ITGA2: variants seen among roughly 807,000 people sequenced by gnomAD.
ITGA2 encodes integrin subunit alpha 2.
In ITGA2, 101 loss-of-function variants were observed where a neutral mutation model predicts 146.3. The observed-to-expected ratio is 0.69, with a 90% CI of 0.59 to 0.81. ITGA2 has a LOEUF of 0.81. Among genes scored for constraint, ITGA2 ranks in the 40% least tolerant of loss-of-function variants. ITGA2 has a pLI of 0.00. For missense variants in ITGA2, 1,281 were observed against 1,402.7 expected, an observed-to-expected ratio of 0.91 and a Z score of 1.39; for synonymous variants, 477 against 487.1, an observed-to-expected ratio of 0.98 and a Z score of 0.27.
chr5:53,071,996 C>G lies in ITGA2; in HGVS notation c.2294C>G (p.Pro765Arg). ...CGTGTGGACATCAGTCTGGAAAACCCTGGCACTAGCCCTGCCCTTGAAGCC... is the reference window on the plus strand; with the variant it reads ...CGTGTGGACATCAGTCTGGAAAACCGTGGCACTAGCCCTGCCCTTGAAGCC... ...DLRVDISLEN[P>R]GTSPALEAYS... The change falls in exon 18 of 30, where the codon CCT (proline) becomes CGT (arginine). Residue 765 changes from proline (P) to arginine (R), a missense_variant. Around this residue, in one of 3 missense-constraint regions of ITGA2, gnomAD observed 475 missense variants for 530.5 expected, o/e 0.90. Coordinates refer to ENST00000296585, the MANE Select transcript of ITGA2 (RefSeq NM_002203.4). The G allele has an allele frequency of 6.2e-7, 1 of 1,612,392 alleles. No individual in the cohort carries two copies. The highest frequency in any genetic ancestry group is 1.1e-5 in the South Asian group (1 of 91,058).
chr5:53,083,350 C>A lies in ITGA2; in HGVS notation c.3155C>A (p.Thr1052Asn). Residue 1052 changes from threonine (T) to asparagine (N), a missense_variant, in exon 27 of 30, where the codon ACT (threonine) becomes AAT (asparagine). By Grantham distance (65) the Thr-to-Asn change is moderately conservative (BLOSUM62 0). Transcript: ENST00000296585. Reference protein sequence around the residue: ...FRHTKELNCRTASCSNVTCWL... With the variant: ...FRHTKELNCRNASCSNVTCWL... Reference sequence around the variant, plus strand: ...ACTCAATACTATAAGAACTGCAGAACTGCTTCCTGTAGTAATGTTACCTGC... The same window carrying A: ...ACTCAATACTATAAGAACTGCAGAAATGCTTCCTGTAGTAATGTTACCTGC... The A allele has an allele frequency of 6.2e-7, 1 of 1,603,634 alleles. No homozygotes were observed. The highest frequency in any genetic ancestry group is 8.5e-7 in the Non-Finnish European group (1 of 1,170,592).
chr5:53,022,338 A>G lies in ITGA2; in HGVS notation c.65-4410A>G, dbSNP rs552312972. On this transcript the variant is annotated intron_variant, in intron 1 of 29. Coordinates refer to ENST00000296585, the MANE Select transcript of ITGA2 (RefSeq NM_002203.4). ...CCTGTCTTAGACGGCCATTGAGATT[A>G]CACGTGTGAGCTGCCATGCTCAGGC... Among the ~76,000 whole-genome samples, 54 of 152,094 alleles carry G rather than the reference A, an allele frequency of 3.6e-4. 1 individual carries two copies. The highest frequency in any genetic ancestry group is 1.2e-3 in the African/African-American group (50 of 41,508).
In ITGA2 at chr5:53,031,246, G is replaced by A. The variant is rs189036493; in HGVS notation, c.185+4378G>A. On this transcript the variant is annotated intron_variant, in intron 2 of 29. Coordinates refer to ENST00000296585, the MANE Select transcript of ITGA2 (RefSeq NM_002203.4). ...TGGACACAGAAATTGGTATGACCATGAATTATTCCTTTAGCAAATTGCGAG... is the reference window on the plus strand; with the variant it reads ...TGGACACAGAAATTGGTATGACCATAAATTATTCCTTTAGCAAATTGCGAG... Among the ~76,000 whole-genome samples, 4 of 152,306 alleles carry A rather than the reference G, an allele frequency of 2.6e-5. No homozygotes were observed. In the East Asian group the frequency reaches 7.7e-4, roughly 29 times the overall value.
In ITGA2 at chr5:53,078,873, A is replaced by AG; in HGVS notation, c.2928+1dup. On this transcript the variant is annotated frameshift_variant and splice_region_variant, in exon 24 of 30. Transcript: ENST00000296585. LOFTEE classifies it high-confidence loss of function. ...GGTCCAAAATTCATCTTCTCCCTGA[A>AG]GGTTGGTAAGCCTGTCATAAGGATG... 6.4e-7 allele frequency: 1 copy of AG among 1,573,874 alleles called. No individual in the cohort carries two copies. The highest frequency in any genetic ancestry group is 8.7e-7 in the Non-Finnish European group (1 of 1,144,200).
chr5:53,017,415 G>A (rs539311537), intron 1 of ITGA2, among the ~76,000 whole-genome samples: 26 of 152,302 alleles, frequency 1.7e-4, no homozygotes, highest in African/African-American at 4.1e-4. Flanking sequence ...GGGCCCCCCC[G>A]CTTTGTTCTC....
In ITGA2 at chr5:53,090,848, C is replaced by A. The variant is rs1740381384; in HGVS notation, c.*249C>A. 3.3e-6 allele frequency: 2 copies of A among 601,338 alleles called. No homozygotes were observed. Among genetic ancestry groups the A allele is most frequent in the East Asian group, 2.7e-5 (1 of 36,486 alleles). The allele number at this position is 601,338 out of a possible 1,614,324, so 37.3% of individuals were successfully genotyped here. On this transcript the variant is annotated 3_prime_UTR_variant, in exon 30 of 30. Coordinates refer to ENST00000296585, the MANE Select transcript of ITGA2 (RefSeq NM_002203.4). ...TATATGATGGGGGAAAAAAAGTAATCTTTAAACTGGCTGGCCCAGAGTTTA... is the reference window on the plus strand; with the variant it reads ...TATATGATGGGGGAAAAAAAGTAATATTTAAACTGGCTGGCCCAGAGTTTA...
At chr5:53,004,452 T>A (rs2111711282) in intron 1 of ITGA2, among the ~76,000 whole-genome samples, 1 of 152,284 alleles carries the variant, frequency 6.6e-6, no homozygotes, top group East Asian at 1.9e-4. Flanking sequence ...TTGGTATGCA[T>A]CCATTTTTAT....
chr5:53,018,922 G>T (rs1357706909), intron 1 of ITGA2, among the ~76,000 whole-genome samples: 1 of 151,932 alleles, frequency 6.6e-6, no homozygotes, highest in Admixed American at 6.6e-5. Context: ...AAATTAGCAG[G>T]GCGTGGTGGT....
In ITGA2 at chr5:53,093,740, T is replaced by C. The variant is rs1230951448; in HGVS notation, c.*3141T>C. 2.6e-5 allele frequency: 4 copies of C among 152,544 alleles called. No individual in the cohort carries two copies. The highest frequency in any genetic ancestry group is 9.6e-5 in the African/African-American group (4 of 41,464). 9.4% of individuals were successfully genotyped at this position (152,544 alleles called of 1,614,324 possible). A position where few individuals can be genotyped will look rare whatever the true frequency, so the allele number is the denominator to read the frequency against. ...AGTAGAGGGCATAAAAGATGTCATATTCAAATTTCCATTTCATAAATGGTG... is the reference window on the plus strand; with the variant it reads ...AGTAGAGGGCATAAAAGATGTCATACTCAAATTTCCATTTCATAAATGGTG... On this transcript the variant is annotated 3_prime_UTR_variant, in exon 30 of 30. Transcript: ENST00000296585.
rs773221406 is a variant in ITGA2 at position 53,064,937 on chromosome 5, T to A, written c.1628T>A (p.Leu543His). The A allele has an allele frequency of 2.5e-6, 4 of 1,612,796 alleles. No individual in the cohort carries two copies. Among genetic ancestry groups the A allele is most frequent in the Non-Finnish European group, 2.5e-6 (3 of 1,179,142 alleles). The change falls in exon 14 of 30, where the codon CTT (leucine) becomes CAT (histidine). Residue 543 changes from leucine to histidine, a missense_variant. Leu to His is a moderately conservative substitution (Grantham distance 99, BLOSUM62 -3). Coordinates refer to ENST00000296585, the MANE Select transcript of ITGA2 (RefSeq NM_002203.4). ...KEGILGQHQF[L>H]EGPEGIENTR... ...GGCATTTTGGGTCAGCACCAATTTCTTGAAGGCCCCGAGGGCATTGAAAAC... is the reference window on the plus strand; with the variant it reads ...GGCATTTTGGGTCAGCACCAATTTCATGAAGGCCCCGAGGGCATTGAAAAC...
chr5:53,062,891 A>G lies in ITGA2; in HGVS notation c.1564A>G (p.Lys522Glu), dbSNP rs1744962847. ...ACCAATGTACATGAGTGACCTAAAG[A>G]AAGAGGAAGGAAGAGTCTACCTGTT... ...GAPMYMSDLK[K>E]EEGRVYLFTI... The change falls in exon 13 of 30, where the codon AAA becomes GAA. Residue 522 changes from lysine to glutamate, a missense_variant. Coordinates refer to ENST00000296585, the MANE Select transcript of ITGA2 (RefSeq NM_002203.4). 6.2e-7 allele frequency: 1 copy of G among 1,611,470 alleles called. No homozygotes were observed. Among genetic ancestry groups the G allele is most frequent in the African/African-American group, 1.3e-5 (1 of 74,830 alleles).
At position 53,046,006 on chromosome 5, in the gene ITGA2, C is replaced by A. The variant is rs567965943; in HGVS notation, c.387+914C>A. ...AGGATTTCGAGACCAGCCTGGCCAA[C>A]ATGGTGAAACCCCATCTCTCCTAAA... On this transcript the variant is annotated intron_variant, in intron 4 of 29. Coordinates refer to ENST00000296585, the MANE Select transcript of ITGA2 (RefSeq NM_002203.4). Among the ~76,000 whole-genome samples, 4 of 151,724 alleles carry A rather than the reference C, an allele frequency of 2.6e-5. No individual in the cohort carries two copies. In the East Asian group the frequency reaches 7.8e-4, roughly 30 times the overall value.
rs3212522 is a variant in ITGA2 at position 53,055,916 on chromosome 5, G to A, written c.931-68G>A. ...AGAGGGAATATTGTGTTCAAAATAG[G>A]CTAGAATGTACTCATAGGGAAAATG... On this transcript the variant is annotated intron_variant, in intron 8 of 29. Transcript: ENST00000296585. 0.48 allele frequency: 689,756 copies of A among 1,435,522 alleles called. 167,080 individuals are homozygous for A. The highest frequency in any genetic ancestry group is 0.52 in the Middle Eastern group (2,132 of 4,062). The allele number at this position is 1,435,522 out of a possible 1,614,324, so 88.9% of individuals were successfully genotyped here.
intron 6 of ITGA2, among the ~76,000 whole-genome samples, chr5:53,050,121 AT>A (rs1258220046): frequency 6.6e-6 from 1 of 152,044 alleles, no homozygotes; most frequent in Non-Finnish European, 1.5e-5. Flanking sequence ...GTATCTCCTT[AT>A]TTCCTCTGTT....
At chr5:53,049,430 G>A (rs1401496047) in intron 6 of ITGA2, among the ~76,000 whole-genome samples, 1 of 151,874 alleles carries the variant, frequency 6.6e-6, no homozygotes, top group Admixed American at 6.6e-5. Flanking sequence ...AATTTCTTTT[G>A]TTTATTCCTT....
chr5:53,024,097 A>G (rs1386894882), intron 1 of ITGA2, among the ~76,000 whole-genome samples: 1 of 152,200 alleles, frequency 6.6e-6, no homozygotes, highest in African/African-American at 2.4e-5. Flanking sequence ...AGCCAAACCT[A>G]GACTCAGAGT....
intron 1 of ITGA2, among the ~76,000 whole-genome samples, chr5:53,022,863 G>A (rs569725255): frequency 1.3e-5 from 2 of 152,224 alleles, no homozygotes; most frequent in African/African-American, 4.8e-5. Flanking sequence ...ACTTATGCTT[G>A]ACTATCTGGT....
At chr5:53,090,117 T>G (rs778772487) in intron 29 of ITGA2, 55 bp downstream of exon 29, 9 of 1,062,416 alleles carry the variant, frequency 8.5e-6, no homozygotes, top group Non-Finnish European at 1.2e-5. Context: ...AGCCTTGAAT[T>G]TGCTTACAAA....
rs1329702619 is a variant in ITGA2 at position 53,094,087 on chromosome 5, C to T, written c.*3488C>T. On this transcript the variant is annotated 3_prime_UTR_variant, in exon 30 of 30. Transcript: ENST00000296585. Reference sequence around the variant, plus strand: ...TACCTGTCCTGATATATAGCTATAACCCAATATATGAAAATCTCAAAAATT... The same window carrying T: ...TACCTGTCCTGATATATAGCTATAATCCAATATATGAAAATCTCAAAAATT... 5 of 152,372 alleles carry T rather than the reference C, an allele frequency of 3.3e-5. No homozygotes were observed. In the South Asian group the frequency reaches 6.2e-4, roughly 19 times the overall value. The allele number at this position is 152,372 out of a possible 1,614,324, so 9.4% of individuals were successfully genotyped here.
Sources: allele counts gnomAD v4.1 joint callset (sites outside exome capture counted in the v4.1 genomes callset), GRCh38; gene constraint gnomAD v4.1.1; regional missense constraint gnomAD v4.1.1; transcripts MANE v1.5; gene names NCBI Gene and HGNC (gene_info 2026-07-23, HGNC 2026-07-21).